WDPCP: variants seen among roughly 807,000 people sequenced by gnomAD.
The protein encoded by WDPCP is WD repeat-containing and planar cell polarity effector protein fritz homolog.
WDPCP carries 71 observed loss-of-function variants against 93.1 expected under a neutral mutation model. That is an observed-to-expected ratio of 0.76 (90% CI 0.63 to 0.93). The LOEUF is 0.93. WDPCP is among the 40% of genes least tolerant of loss of function. The pLI is 0.00. For synonymous variants in WDPCP, 315 were observed against 315.0 expected, an observed-to-expected ratio of 1.00 and a Z score of 0.00; for missense variants, 844 against 887.4, an observed-to-expected ratio of 0.95 and a Z score of 0.62.
intron 10 of WDPCP, among the ~76,000 whole-genome samples, chr2:63,394,559 A>G (rs528573617): frequency 2.0e-5 from 3 of 152,280 alleles, no homozygotes; most frequent in East Asian, 1.9e-4. Flanking sequence ...AGAAATATAA[A>G]TTGTTCTACT....
chr2:63,454,645 T>G (rs1436177841), intron 6 of WDPCP, among the ~76,000 whole-genome samples: 1 of 152,128 alleles, frequency 6.6e-6, no homozygotes, highest in African/African-American at 2.4e-5. Flanking sequence ...AAAAACTTAC[T>G]TAAAATAATA....
intron 12 of WDPCP, among the ~76,000 whole-genome samples, chr2:63,327,780 T>G (rs1313081750): frequency 6.6e-6 from 1 of 152,160 alleles, no homozygotes. Flanking sequence ...GGCCCTGTAT[T>G]TTTAACCTCC....
chr2:63,698,260 G>T (rs967281803), intron 2 of WDPCP, among the ~76,000 whole-genome samples: 1 of 152,080 alleles, frequency 6.6e-6, no homozygotes, highest in Non-Finnish European at 1.5e-5. Flanking sequence ...AAGACAAAAT[G>T]ATTTCTTGAG....
chr2:63,595,707 C>T (rs1709297247), intron 3 of WDPCP, among the ~76,000 whole-genome samples: 1 of 152,144 alleles, frequency 6.6e-6, no homozygotes, highest in South Asian at 2.1e-4. Context: ...GAGCAACAAT[C>T]AATGTCAGGT....
chr2:63,250,523 T>A (rs1680627049), intron 14 of WDPCP, among the ~76,000 whole-genome samples: 1 of 152,188 alleles, frequency 6.6e-6, no homozygotes, highest in Admixed American at 6.5e-5. Context: ...ACTATTTTAA[T>A]GGCTAGTACC....
chr2:63,700,293 AAAAAAAAAAACAAAAAG>A (rs1285711088), intron 2 of WDPCP, among the ~76,000 whole-genome samples: 1 of 148,162 alleles, frequency 6.7e-6, no homozygotes, highest in African/African-American at 2.5e-5. Context: ...AAAAAAAAAA[AAAAAAAAAAACAAAAAG>A]AAAAAAAGAA....
intron 2 of WDPCP, among the ~76,000 whole-genome samples, chr2:63,775,237 C>CG (rs1430186128): frequency 1.3e-5 from 2 of 152,198 alleles, no homozygotes; most frequent in Middle Eastern, 3.2e-3. Flanking sequence ...GTCTTAAGTA[C>CG]ACTCTTGCAT....
intron 2 of WDPCP, among the ~76,000 whole-genome samples, chr2:63,760,235 A>G (rs907730577): frequency 6.6e-6 from 1 of 152,170 alleles, no homozygotes; most frequent in Non-Finnish European, 1.5e-5. Context: ...TCTGAGCATG[A>G]GGCCTTATGA....
chr2:63,606,889 C>T, intron 3 of WDPCP: 1 of 1,611,020 alleles, frequency 6.2e-7, no homozygotes. Context: ...TGTTGAAGGT[C>T]TCCCTATTAA....
At chr2:63,141,940 C>T (rs1489729032) in intron 17 of WDPCP, among the ~76,000 whole-genome samples, 1 of 152,108 alleles carries the variant, frequency 6.6e-6, no homozygotes, top group East Asian at 1.9e-4. Flanking sequence ...TCATAGTAGA[C>T]TTGAATGATC....
chr2:63,672,079 T>C (rs1434590642), intron 2 of WDPCP, among the ~76,000 whole-genome samples: 1 of 152,184 alleles, frequency 6.6e-6, no homozygotes, highest in African/African-American at 2.4e-5. Flanking sequence ...GTATGATCTC[T>C]ACATTATAGG....
upstream of WDPCP, among the ~76,000 whole-genome samples, chr2:63,828,161 T>C (rs1671140460): frequency 6.6e-6 from 1 of 152,040 alleles, no homozygotes; most frequent in African/African-American, 2.4e-5. Context: ...TAGGTGTGGA[T>C]TTACTTTTTT....
At chr2:63,299,439 G>A (rs995599450) in intron 13 of WDPCP, among the ~76,000 whole-genome samples, 1 of 152,164 alleles carries the variant, frequency 6.6e-6, no homozygotes, top group Non-Finnish European at 1.5e-5. Flanking sequence ...GGGATTTGTG[G>A]AGGCTCAGCA....
At chr2:63,138,867 C>G (rs2103670280) in intron 17 of WDPCP, among the ~76,000 whole-genome samples, 1 of 152,142 alleles carries the variant, frequency 6.6e-6, no homozygotes, top group Admixed American at 6.5e-5. Context: ...ACTCTTCCCC[C>G]CAAGTCCCCA....
intron 14 of WDPCP, among the ~76,000 whole-genome samples, chr2:63,243,134 C>A (rs759228929): frequency 6.6e-6 from 1 of 152,148 alleles, no homozygotes; most frequent in Non-Finnish European, 1.5e-5. Context: ...TCTGACTTCT[C>A]AGGCTTATGC....
At position 63,456,155 on chromosome 2, in the gene WDPCP, C is replaced by T. The variant is rs557835034; in HGVS notation, c.385-16284G>A. ...AATGGAGGCAAGGCGAGGTGGCTCA[C>T]GCTGTAATCTCAGCACTCTGGGAGG... On this transcript the variant is annotated intron_variant, in intron 6 of 17. Transcript: ENST00000272321. Among the ~76,000 whole-genome samples the T allele has an allele frequency of 6.6e-5, 10 of 152,230 alleles. No homozygotes were observed. The East Asian group carries it at 7.7e-4, about 12-fold the overall frequency.
chr2:63,255,133 A>G (rs1681032907), intron 14 of WDPCP, among the ~76,000 whole-genome samples: 1 of 152,168 alleles, frequency 6.6e-6, no homozygotes, highest in Admixed American at 6.6e-5. Context: ...AACTTTATTA[A>G]TATGAATAAA....
chr2:63,237,152 C>A (rs1361165368), intron 14 of WDPCP, among the ~76,000 whole-genome samples: 1 of 151,630 alleles, frequency 6.6e-6, no homozygotes, highest in African/African-American at 2.4e-5. Flanking sequence ...AAAAAATAAC[C>A]CCATTAAAAA....
chr2:63,449,180 C>T (rs563675165), intron 6 of WDPCP, among the ~76,000 whole-genome samples: 123 of 152,154 alleles, frequency 8.1e-4, no homozygotes, highest in African/African-American at 2.9e-3. Flanking sequence ...AAATCTATCA[C>T]AAAATATTTG....
Sources: allele counts gnomAD v4.1 joint callset (sites outside exome capture counted in the v4.1 genomes callset), GRCh38; gene constraint gnomAD v4.1.1; transcripts MANE v1.5; gene names NCBI Gene and HGNC (gene_info 2026-07-23, HGNC 2026-07-21).